Variants in ARID1B observed in about 807,000 individuals in gnomAD.
ARID1B encodes the protein AT-rich interaction domain 1B.
In ARID1B, 30 loss-of-function variants were observed where a neutral mutation model predicts 212.3. The observed-to-expected ratio is 0.14, with a 90% CI of 0.11 to 0.19. The LOEUF is 0.19. Ranked by LOEUF, ARID1B falls within the 10% of genes least tolerant of loss-of-function variation. ARID1B has a pLI of 1.00. For missense variants in ARID1B, 2,891 were observed against 3,204.0 expected (o/e 0.90, Z 2.36); for synonymous variants, 1,402 against 1,301.7 (o/e 1.08, Z -1.66).
chr6:157,120,366 G>A (rs746050294), intron 6 of ARID1B, among the ~76,000 whole-genome samples: 2 of 152,116 alleles, frequency 1.3e-5, no homozygotes, highest in African/African-American at 2.4e-5. Flanking sequence ...TGCTGTGCCC[G>A]GCTCCAAGTA....
At chr6:157,039,696 T>TTC (rs1781667206) in intron 4 of ARID1B, among the ~76,000 whole-genome samples, 2 of 135,434 alleles carry the variant, frequency 1.5e-5, no homozygotes, top group Non-Finnish European at 3.2e-5. Flanking sequence ...CTTCCTTCCT[T>TTC]CTTTCTTTCC....
chr6:157,125,913 ATTTTTCCCTATT>A, intron 6 of ARID1B, among the ~76,000 whole-genome samples: 1 of 152,108 alleles, frequency 6.6e-6, no homozygotes, highest in African/African-American at 2.4e-5. Context: ...TTAGTTCATT[ATTTTTCCCTATT>A]GATAGGCTTT....
chr6:156,990,129 G>A (rs182014914), intron 4 of ARID1B, among the ~76,000 whole-genome samples: 4 of 151,794 alleles, frequency 2.6e-5, no homozygotes, highest in Non-Finnish European at 5.9e-5. Flanking sequence ...GAGATCCAGT[G>A]AGTTGTAGAG....
chr6:156,990,143 A>G (rs911538120), intron 4 of ARID1B, among the ~76,000 whole-genome samples: 2 of 151,552 alleles, frequency 1.3e-5, no homozygotes, highest in African/African-American at 2.4e-5. Flanking sequence ...TGTAGAGTCA[A>G]TGGACTGGTT....
At chr6:157,186,528 C>T (rs753034237) in intron 13 of ARID1B, 3 of 471,204 alleles carry the variant, frequency 6.4e-6, no homozygotes, top group African/African-American at 2.0e-5. Flanking sequence ...GCCACCCACA[C>T]AGCAGGTGGC....
chr6:157,176,573 C>T (rs1322942395), intron 11 of ARID1B, among the ~76,000 whole-genome samples: 8 of 152,270 alleles, frequency 5.3e-5, no homozygotes, highest in East Asian at 1.9e-4. Flanking sequence ...GGGCCGGGTG[C>T]GGTGGCTCAC....
At chr6:156,864,152 ATCT>A (rs1785522412) in intron 2 of ARID1B, among the ~76,000 whole-genome samples, 1 of 152,188 alleles carries the variant, frequency 6.6e-6, no homozygotes, top group Admixed American at 6.5e-5. Flanking sequence ...CTTAAAACTA[ATCT>A]TCTCCCTCAT....
Position 156,781,439 on chromosome 6 carries a change from A to G in ARID1B, c.1791+1968A>G, listed in dbSNP as rs56677881. On this transcript the variant is annotated intron_variant, in intron 1 of 19. Transcript: ENST00000636930. ...CATGTTAATGCTATGAAAGTTTAAA[A>G]AATCCTAATCTGTTAGAGAGGAACA... 5.3e-3 allele frequency among the ~76,000 whole-genome samples: 807 copies of G among 152,258 alleles called. 6 individuals carry two copies. Among genetic ancestry groups the G allele is most frequent in the African/African-American group, 0.018 (743 of 41,578 alleles).
chr6:157,025,424 T>C (rs2128484497), intron 4 of ARID1B, among the ~76,000 whole-genome samples: 1 of 152,330 alleles, frequency 6.6e-6, no homozygotes, highest in African/African-American at 2.4e-5. Flanking sequence ...CGGTAGAACA[T>C]TCTTGTTACC....
chr6:156,953,685 G>C (rs1793755080), intron 4 of ARID1B, among the ~76,000 whole-genome samples: 1 of 152,126 alleles, frequency 6.6e-6, no homozygotes, highest in Non-Finnish European at 1.5e-5. Flanking sequence ...GACACTGCTT[G>C]GGTAGAATAT....
intron 2 of ARID1B, among the ~76,000 whole-genome samples, chr6:156,892,420 G>T (rs368636121): frequency 6.6e-6 from 1 of 152,010 alleles, no homozygotes; most frequent in Non-Finnish European, 1.5e-5. Context: ...TTACATCTAG[G>T]TCTAAAGGCA....
intron 1 of ARID1B, among the ~76,000 whole-genome samples, chr6:156,787,977 A>G (rs1313783601): frequency 1.3e-5 from 2 of 152,052 alleles, no homozygotes; most frequent in African/African-American, 4.8e-5. Context: ...ATGGATGTCT[A>G]TCTGTGGCAT....
chr6:156,819,749 A>G (rs954316329), intron 1 of ARID1B, among the ~76,000 whole-genome samples: 1 of 152,202 alleles, frequency 6.6e-6, no homozygotes, highest in African/African-American at 2.4e-5. Context: ...AGATGAGCCC[A>G]CTGTTACTCT....
rs2128211187 is a variant in ARID1B, at chr6:156,901,543, C to T, written c.2136+18C>T. 6.2e-7 allele frequency: 1 copy of T among 1,607,344 alleles called. No individual in the cohort carries two copies. Among genetic ancestry groups the T allele is most frequent in the Non-Finnish European group, 8.5e-7 (1 of 1,176,782 alleles). On this transcript the variant is annotated intron_variant, in intron 3 of 19. Coordinates refer to ENST00000636930, the MANE Select transcript of ARID1B (RefSeq NM_001374828.1). ...CGCAGCAGGTGAGCACAGTGCACTG[C>T]CCCGCAGGGCCCTGTTTTCTCCACC...
intron 3 of ARID1B, among the ~76,000 whole-genome samples, chr6:156,931,819 A>G (rs1250213171): frequency 2.0e-5 from 3 of 151,940 alleles, no homozygotes; most frequent in Non-Finnish European, 4.4e-5. Flanking sequence ...AAAATTAGCA[A>G]GGCATGGTGG....
chr6:156,966,392 T>TTC (rs1562516382), intron 4 of ARID1B, among the ~76,000 whole-genome samples: 2 of 136,558 alleles, frequency 1.5e-5, no homozygotes, highest in Admixed American at 7.0e-5. Flanking sequence ...TTTTCTTTTT[T>TTC]TTTTTTTTTT....
intron 4 of ARID1B, among the ~76,000 whole-genome samples, chr6:157,015,198 C>T (rs1779849394): frequency 6.6e-6 from 1 of 152,062 alleles, no homozygotes; most frequent in Admixed American, 6.6e-5. Flanking sequence ...TAAAGAAACA[C>T]CAGGGATATG....
chr6:157,020,417 C>T (rs953269240), intron 4 of ARID1B, among the ~76,000 whole-genome samples: 7 of 152,140 alleles, frequency 4.6e-5, no homozygotes, highest in African/African-American at 1.7e-4. Context: ...TATATAACTA[C>T]ATAACTGTAA....
intron 4 of ARID1B, among the ~76,000 whole-genome samples, chr6:157,060,630 C>CTTTTTTTTTTTTTTTTT (rs56870548): frequency 1.4e-5 from 1 of 72,044 alleles, no homozygotes; most frequent in African/African-American, 6.3e-5. Flanking sequence ...AAAATCTGAA[C>CTTTTTTTTTTTTTTTTT]TTTTTTTTTT....
Sources: gnomAD v4.1 joint callset for allele counts (sites outside exome capture counted in the v4.1 genomes callset) on GRCh38, gnomAD v4.1.1 for gene constraint, MANE v1.5 for transcripts, NCBI Gene and HGNC (gene_info 2026-07-23, HGNC 2026-07-21) for gene names.